The following BCOR variants were observed in gnomAD, a reference collection of about 807,000 sequenced individuals.
BCOR encodes the protein BCL-6 corepressor.
BCOR carries 10 observed loss-of-function variants against 86.7 expected under a neutral mutation model. That is an observed-to-expected ratio of 0.12 (90% CI 0.07 to 0.20). The LOEUF is 0.20. Among genes scored for constraint, BCOR ranks in the 10% least tolerant of loss-of-function variants. The pLI is 1.00. For synonymous variants in BCOR, 611 were observed against 609.0 expected, an observed-to-expected ratio of 1.00 and a Z score of -0.05; for missense variants, 1,259 against 1,452.1, an observed-to-expected ratio of 0.87 and a Z score of 2.16.
At chrX:40,155,857 G>T (rs1027225571) in intron 1 of BCOR, among the ~76,000 whole-genome samples, 1 of 112,883 alleles carries the variant, frequency 8.9e-6, no homozygotes, top group Non-Finnish European at 1.9e-5. Context: ...GGTGGGGAGG[G>T]GGGGCGCGCG....
intron 1 of BCOR, among the ~76,000 whole-genome samples, chrX:40,087,935 T>C (rs751124493): frequency 6.2e-4 from 70 of 112,869 alleles, no homozygotes; most frequent in Admixed American, 1.9e-4. Flanking sequence ...AGGATTTACA[T>C]AGTTTGGACA....
At chrX:40,177,018 C>G (rs1322821583) in exon 1 of BCOR, 1 of 108,789 alleles carries the variant, frequency 9.2e-6, no homozygotes, top group African/African-American at 3.4e-5. Context: ...TTCGGGCCGA[C>G]CAGCTCCGTC....
chrX:40,075,176 T>A lies in BCOR; in HGVS notation c.170A>T (p.Asp57Val). The change falls in exon 4 of 15, where the codon GAT becomes GTT. Residue 57 changes from aspartate to valine, a missense_variant. Transcript: ENST00000378444. ...ATCGATCCTATGGGCCGTGCTCGCA[T>A]CCACCTTTGCAGAAGAACAACATGG... ...EENPLNHNVV[D>V]ASTAHRIDGL... The A allele has an allele frequency of 8.3e-7, 1 of 1,206,272 alleles. No individual in the cohort carries two copies. Among genetic ancestry groups the A allele is most frequent in the Non-Finnish European group, 1.1e-6 (1 of 893,126 alleles).
intron 1 of BCOR, among the ~76,000 whole-genome samples, chrX:40,139,953 G>A (rs774666564): frequency 1.8e-5 from 2 of 110,358 alleles, no homozygotes; most frequent in African/African-American, 6.6e-5. Flanking sequence ...TATAGCCTTA[G>A]AATTTTCTGC....
intron 1 of BCOR, among the ~76,000 whole-genome samples, chrX:40,078,722 G>A (rs1418585681): frequency 8.9e-6 from 1 of 111,832 alleles, no homozygotes; most frequent in Non-Finnish European, 1.9e-5. Context: ...CCTGGCTGAT[G>A]GGCTCCAAGC....
Position 40,119,244 on chromosome X carries a change from GT to G in BCOR, c.-40-41276del, listed in dbSNP as rs770429555. On this transcript the variant is annotated intron_variant, in intron 1 of 14. Transcript: ENST00000342274. ...TCCATTTACATCTAGTTTGGGTGTT[GT>G]TTTTTTTTTTTTTTTTGGTGGTGGT... Among the ~76,000 whole-genome samples, 592 of 91,993 alleles carry G rather than the reference GT, an allele frequency of 6.4e-3. 4 individuals carry two copies. The highest frequency in any genetic ancestry group is 0.011 in the African/African-American group (285 of 25,381). The allele number at this position is 91,993 out of a possible 115,157, so 79.9% of individuals were successfully genotyped here. A position where few individuals can be genotyped will look rare whatever the true frequency, so the allele number is the denominator to read the frequency against.
chrX:40,148,011 G>A (rs981917886), intron 1 of BCOR, among the ~76,000 whole-genome samples: 1 of 112,130 alleles, frequency 8.9e-6, no homozygotes, highest in East Asian at 2.8e-4. Flanking sequence ...TTCTCAGGGC[G>A]TCTACAAGGC....
intron 7 of BCOR, 35 bp from the exon 8 acceptor site, chrX:40,063,987 C>A (rs765486165): frequency 2.9e-6 from 3 of 1,050,565 alleles, no homozygotes. Flanking sequence ...AATCAAAAAG[C>A]CCCCCGGGGG....
At chrX:40,135,687 G>A (rs1032502510) in intron 1 of BCOR, among the ~76,000 whole-genome samples, 18 of 111,669 alleles carry the variant, frequency 1.6e-4, no homozygotes, top group African/African-American at 5.9e-4. Context: ...ACCGCGCCCG[G>A]CCCTTCATGG....
At chrX:40,115,561 A>C (rs1937380420) in intron 1 of BCOR, among the ~76,000 whole-genome samples, 1 of 110,192 alleles carries the variant, frequency 9.1e-6, no homozygotes, top group Admixed American at 9.6e-5. Flanking sequence ...GGATCGCTTG[A>C]GGTCAGGAGT....
At chrX:40,139,476 T>A (rs1374240716) in intron 1 of BCOR, among the ~76,000 whole-genome samples, 1 of 11,803 alleles carries the variant, frequency 8.5e-5, no homozygotes, top group Non-Finnish European at 1.2e-4. Flanking sequence ...TATATATATA[T>A]ATATATATAT....
chrX:40,160,493 G>A (rs1445346063), intron 1 of BCOR, among the ~76,000 whole-genome samples: 1 of 94,078 alleles, frequency 1.1e-5, no homozygotes, highest in Non-Finnish European at 2.0e-5. Flanking sequence ...GTGCAGCGGC[G>A]CGACAGAGCG....
rs1935896487 is a variant in BCOR at position 40,077,987 on chromosome X, A to C, written c.-40-18T>G. 9 of 1,036,918 alleles carry C rather than the reference A, an allele frequency of 8.7e-6. No individual in the cohort carries two copies. In the South Asian group the frequency reaches 1.7e-4, roughly 20 times the overall value. 85.5% of individuals were successfully genotyped at this position (1,036,918 alleles called of 1,213,427 possible). A position where few individuals can be genotyped will look rare whatever the true frequency, so the allele number is the denominator to read the frequency against. On this transcript the variant is annotated intron_variant, in intron 1 of 14. Coordinates refer to ENST00000378444, the MANE Select transcript of BCOR (RefSeq NM_001123385.2). Reference sequence around the variant, plus strand: ...CGTCTAGTCTGTTAAAAGGAAAGAAAAAAAATCCCAGGAGGTTCAGTAAAG... The same window carrying C: ...CGTCTAGTCTGTTAAAAGGAAAGAACAAAAATCCCAGGAGGTTCAGTAAAG...
At chrX:40,079,218 CCACA>C (rs907167585) in intron 1 of BCOR, among the ~76,000 whole-genome samples, 1 of 112,066 alleles carries the variant, frequency 8.9e-6, no homozygotes, top group Non-Finnish European at 1.9e-5. Flanking sequence ...ACACACCCAC[CCACA>C]CAGTTTCCGA....
chrX:40,073,965 T>C lies in BCOR; in HGVS notation c.1381A>G (p.Met461Val), dbSNP rs746591131. 20 of 1,211,077 alleles carry C rather than the reference T, an allele frequency of 1.7e-5. No individual in the cohort carries two copies. The highest frequency in any genetic ancestry group is 2.2e-5 in the Admixed American group (1 of 45,983). ...DASKADHMKK[M>V]APTVLVHSRA... ...CTGTGAACCAGGACCGTGGGAGCCATCTTTTTCATGTGGTCAGCTTTGGAA... is the reference window on the plus strand; with the variant it reads ...CTGTGAACCAGGACCGTGGGAGCCACCTTTTTCATGTGGTCAGCTTTGGAA... Residue 461 changes from methionine to valine, a missense_variant, in exon 4 of 15, where the codon ATG becomes GTG. Met to Val is a conservative substitution (Grantham distance 21). Coordinates refer to ENST00000378444, the MANE Select transcript of BCOR (RefSeq NM_001123385.2).
At chrX:40,113,392 G>A (rs1371730408) in intron 1 of BCOR, among the ~76,000 whole-genome samples, 10 of 104,667 alleles carry the variant, frequency 9.6e-5, no homozygotes, top group Non-Finnish European at 1.9e-4. Context: ...GGGTGACAGA[G>A]GGAGACCATG....
intron 1 of BCOR, among the ~76,000 whole-genome samples, chrX:40,089,711 G>C (rs913751979): frequency 3.6e-5 from 4 of 111,712 alleles, no homozygotes; most frequent in African/African-American, 1.3e-4. Flanking sequence ...TCTGGGAAAA[G>C]TGCTGACTAC....
chrX:40,176,154 G>C (rs1938745786), intron 1 of BCOR, among the ~76,000 whole-genome samples: 1 of 113,130 alleles, frequency 8.8e-6, no homozygotes, highest in African/African-American at 3.2e-5. Flanking sequence ...ATGTCTTCCA[G>C]GTGGGGCCGA....
upstream of BCOR, among the ~76,000 whole-genome samples, chrX:40,099,924 C>T (rs1937039756): frequency 8.9e-6 from 1 of 112,165 alleles, no homozygotes; most frequent in Non-Finnish European, 1.9e-5. Context: ...CCAGGACCAG[C>T]GCCTGCAGAA....
Sources: gnomAD v4.1 joint callset for allele counts (sites outside exome capture counted in the v4.1 genomes callset) on GRCh38, gnomAD v4.1.1 for gene constraint, MANE v1.5 for transcripts, NCBI Gene and HGNC (gene_info 2026-07-23, HGNC 2026-07-21) for gene names.